CALN1: variants seen among roughly 807,000 people sequenced by gnomAD.
The protein encoded by CALN1 is calneuron 1.
CALN1 carries 17 observed loss-of-function variants against 30.6 expected under a neutral mutation model. That is an observed-to-expected ratio of 0.56 (90% CI 0.38 to 0.83). The LOEUF is 0.83. Among genes scored for constraint, CALN1 ranks in the 40% least tolerant of loss-of-function variants. CALN1 has a pLI of 0.00. For missense variants in CALN1, 291 were observed against 354.9 expected, an observed-to-expected ratio of 0.82 and a Z score of 1.45; for synonymous variants, 156 against 131.4, an observed-to-expected ratio of 1.19 and a Z score of -1.28.
chr7:72,278,700 A>T lies in CALN1; in HGVS notation c.230T>A (p.Val77Glu), dbSNP rs779474383. The change falls in exon 3 of 7, where the codon GTG (valine) becomes GAG (glutamate). Residue 77 changes from valine to glutamate, a missense_variant. Around this residue, in one of 2 missense-constraint regions of CALN1, gnomAD observed 122 missense variants for 103.2 expected, o/e 1.18. Coordinates refer to ENST00000395275, the MANE Select transcript of CALN1 (RefSeq NM_031468.4). Reference protein sequence around the residue: ...SDSEQLANISVEELDEIREAF... With the variant: ...SDSEQLANISEEELDEIREAF... Reference sequence around the variant, plus strand: ...AGGCTCCTTACCATCGAGCTCCTCCACGGAGATATTAGCCAGCTGTTCGCT... The same window carrying T: ...AGGCTCCTTACCATCGAGCTCCTCCTCGGAGATATTAGCCAGCTGTTCGCT... The T allele has an allele frequency of 6.2e-7, 1 of 1,613,740 alleles. No homozygotes were observed. Among genetic ancestry groups the T allele is most frequent in the South Asian group, 1.1e-5 (1 of 91,080 alleles).
rs149183912 is a variant in CALN1 at position 72,405,671 on chromosome 7, CGTTAA to C, written c.-73-2234_-73-2230del. Among the ~76,000 whole-genome samples, 554 of 151,532 alleles carry C rather than the reference CGTTAA, an allele frequency of 3.7e-3. 6 individuals are homozygous for C. The highest frequency in any genetic ancestry group is 0.012 in the African/African-American group (514 of 41,144). On this transcript the variant is annotated intron_variant, in intron 1 of 6. Coordinates refer to ENST00000395275, the MANE Select transcript of CALN1 (RefSeq NM_031468.4). ...CTCTTGGAGACTTCTCTAGTTAGCTCGTTAAGTTAAACAGGAGAAGCAAGTGTGTC... is the reference window on the plus strand; with the variant it reads ...CTCTTGGAGACTTCTCTAGTTAGCTCGTTAAACAGGAGAAGCAAGTGTGTC...
chr7:72,023,931 A>C (rs962950904), intron 4 of CALN1, among the ~76,000 whole-genome samples, 162 bp from the exon 5 acceptor site: 3 of 152,220 alleles, frequency 2.0e-5, no homozygotes. Flanking sequence ...TCAATGACTG[A>C]AAGTACCACA....
intron 5 of CALN1, among the ~76,000 whole-genome samples, chr7:71,939,879 G>A (rs1036304693): frequency 6.6e-6 from 1 of 152,110 alleles, no homozygotes; most frequent in Non-Finnish European, 1.5e-5. Context: ...CTAACAATGG[G>A]AGCTACCAGG....
At chr7:72,438,927 T>C (rs1166973200) in intron 1 of CALN1, among the ~76,000 whole-genome samples, 2 of 152,242 alleles carry the variant, frequency 1.3e-5, no homozygotes, top group Non-Finnish European at 2.9e-5. Context: ...CACCTAACTT[T>C]TCAACATTCC....
chr7:71,868,754 A>G (rs1051724428), intron 5 of CALN1, among the ~76,000 whole-genome samples: 14 of 152,054 alleles, frequency 9.2e-5, no homozygotes, highest in African/African-American at 3.4e-4. Context: ...TCCTACCTCC[A>G]ACATTGGGGA....
intron 5 of CALN1, among the ~76,000 whole-genome samples, chr7:72,016,505 T>C (rs1800387894): frequency 6.6e-6 from 1 of 151,794 alleles, no homozygotes; most frequent in South Asian, 2.1e-4. Flanking sequence ...GGCATGATTA[T>C]AGCTCACTGC....
chr7:72,179,767 T>G (rs1789624173), intron 3 of CALN1, among the ~76,000 whole-genome samples: 1 of 152,198 alleles, frequency 6.6e-6, no homozygotes, highest in African/African-American at 2.4e-5. Context: ...TTTAAAGCAC[T>G]TCTCAGACAT....
chr7:72,200,682 C>A (rs1454958374), intron 3 of CALN1, among the ~76,000 whole-genome samples: 3 of 152,052 alleles, frequency 2.0e-5, no homozygotes, highest in African/African-American at 7.2e-5. Context: ...AAAAAACACA[C>A]ATGGAGACAA....
intron 4 of CALN1, among the ~76,000 whole-genome samples, chr7:72,074,956 A>G (rs909760014): frequency 1.3e-5 from 2 of 152,266 alleles, no homozygotes; most frequent in Non-Finnish European, 2.9e-5. Context: ...CTTATTAATT[A>G]AATGGTATGA....
intron 5 of CALN1, among the ~76,000 whole-genome samples, chr7:71,815,910 C>T (rs368942922): frequency 1.1e-3 from 161 of 149,006 alleles, no homozygotes; most frequent in African/African-American, 3.8e-3. Flanking sequence ...TTGTTTCTTG[C>T]TTTGTCACCC....
chr7:72,460,824 G>A, the CALN1 span, among the ~76,000 whole-genome samples: 1 of 152,088 alleles, frequency 6.6e-6, no homozygotes, highest in Non-Finnish European at 1.5e-5. Context: ...CATGTACTCA[G>A]TGGATGTGGC....
intron 5 of CALN1, among the ~76,000 whole-genome samples, chr7:71,887,812 A>G (rs1793003110): frequency 6.6e-6 from 1 of 152,000 alleles, no homozygotes; most frequent in Non-Finnish European, 1.5e-5. Context: ...GGAGGGTGAG[A>G]AGGAGGAGAG....
chr7:71,850,319 G>A (rs536668163), intron 5 of CALN1, among the ~76,000 whole-genome samples: 3 of 152,240 alleles, frequency 2.0e-5, no homozygotes, highest in East Asian at 1.9e-4. Context: ...GGGTTCAAGC[G>A]ATTCTCCTGC....
At chr7:72,173,031 TA>T (rs1282865058) in intron 3 of CALN1, among the ~76,000 whole-genome samples, 1 of 152,156 alleles carries the variant, frequency 6.6e-6, no homozygotes, top group African/African-American at 2.4e-5. Flanking sequence ...AATGATCTCT[TA>T]TTTGCAGATG....
intron 2 of CALN1, among the ~76,000 whole-genome samples, chr7:72,336,002 C>T (rs1341909092): frequency 1.3e-5 from 2 of 152,208 alleles, no homozygotes; most frequent in Non-Finnish European, 2.9e-5. Flanking sequence ...CCGGGGAAGA[C>T]GGATCCCACC....
At chr7:72,167,508 C>A (rs1382303263) in intron 3 of CALN1, among the ~76,000 whole-genome samples, 2 of 152,104 alleles carry the variant, frequency 1.3e-5, no homozygotes, top group African/African-American at 4.8e-5. Flanking sequence ...CCATGCTCAG[C>A]TAATTTTCGT....
chr7:72,284,980 G>GTAT (rs1308625849), intron 2 of CALN1, among the ~76,000 whole-genome samples: 1 of 151,968 alleles, frequency 6.6e-6, no homozygotes, highest in Admixed American at 6.6e-5. Context: ...TTGCAGTAGG[G>GTAT]TATTATTATT....
At chr7:71,845,398 G>A (rs1790171729) in intron 5 of CALN1, among the ~76,000 whole-genome samples, 1 of 152,192 alleles carries the variant, frequency 6.6e-6, no homozygotes, top group South Asian at 2.1e-4. Context: ...GTTTAGGTGT[G>A]GTCTGTGTGT....
chr7:72,062,354 A>T lies in CALN1; in HGVS notation c.389-38585T>A, dbSNP rs1285631679. On this transcript the variant is annotated intron_variant, in intron 4 of 6. Transcript: ENST00000395275. ...GGTGAAGCCTCATCTCTACTAAAAAATACGAAAATTAGCTGGATGTGGTGG... is the reference window on the plus strand; with the variant it reads ...GGTGAAGCCTCATCTCTACTAAAAATTACGAAAATTAGCTGGATGTGGTGG... Among the ~76,000 whole-genome samples the T allele has an allele frequency of 6.6e-5, 10 of 152,068 alleles. No individual in the cohort carries two copies. In the South Asian group the frequency reaches 1.9e-3, roughly 28 times the overall value.
Sources: gnomAD v4.1 joint callset for allele counts (sites outside exome capture counted in the v4.1 genomes callset) on GRCh38, gnomAD v4.1.1 for gene constraint, gnomAD v4.1.1 regional missense constraint, MANE v1.5 for transcripts, NCBI Gene and HGNC (gene_info 2026-07-23, HGNC 2026-07-21) for gene names.